Variants in MYMK observed in about 807,000 individuals in gnomAD.
The protein encoded by MYMK is protein myomaker.
MYMK carries 16 observed loss-of-function variants against 22.4 expected under a neutral mutation model. The observed-to-expected ratio is 0.72, with a 90% CI of 0.48 to 1.09. MYMK has a LOEUF of 1.09. Ranked by LOEUF, MYMK falls within the 50% of genes least tolerant of loss-of-function variation. The pLI, the probability that MYMK is intolerant of heterozygous loss-of-function variation, is 0.00. For missense variants in MYMK, 250 were observed against 295.6 expected, an observed-to-expected ratio of 0.85 and a Z score of 1.13; for synonymous variants, 125 against 127.0, an observed-to-expected ratio of 0.98 and a Z score of 0.11.
rs1844686532 is a variant in MYMK, at chr9:133,520,288, G to A, written c.136C>T (p.Leu46Phe). ...CCGGGTCCATTGCAGGCATGGTGGAGCTGCCAGAAAACCCACAGGTGGTCA... is the reference window on the plus strand; with the variant it reads ...CCGGGTCCATTGCAGGCATGGTGGAACTGCCAGAAAACCCACAGGTGGTCA... Reference protein sequence around the residue: ...VYLFTLFFVALHHACNGPGLS... With the variant: ...VYLFTLFFVAFHHACNGPGLS... Residue 46 changes from leucine (L) to phenylalanine (F), a missense_variant and splice_region_variant, in exon 2 of 5, where the codon CTC becomes TTC. Physicochemically the swap from Leu to Phe is conservative, Grantham distance 22. Transcript: ENST00000339996. The A allele has an allele frequency of 6.2e-7, 1 of 1,613,878 alleles. No individual in the cohort carries two copies. Among genetic ancestry groups the A allele is most frequent in the Non-Finnish European group, 8.5e-7 (1 of 1,179,822 alleles).
intron 3 of MYMK, among the ~76,000 whole-genome samples, chr9:133,516,013 C>CA: frequency 6.6e-6 from 1 of 152,326 alleles, no homozygotes; most frequent in East Asian, 1.9e-4. Context: ...CAGTGTGGCC[C>CA]ATGGGGATGG....
At position 133,518,919 on chromosome 9, in the gene MYMK, G is replaced by A. The variant is rs147399398; in HGVS notation, c.354C>T (p.Tyr118=). ...IYHDRWGYGV[Y]SGPIGTAILI... Reference sequence around the variant, plus strand: ...GGATGGCTGTGCCGATGGGGCCCGAGTACACCCCGTAGCCCCATCGGTCAT... The same window carrying A: ...GGATGGCTGTGCCGATGGGGCCCGAATACACCCCGTAGCCCCATCGGTCAT... Residue 118 remains tyrosine (Y), a synonymous_variant, in exon 3 of 5, where the codon TAC becomes TAT. Transcript: ENST00000339996. 46 of 1,613,640 alleles carry A rather than the reference G, an allele frequency of 2.9e-5. No individual in the cohort carries two copies. The African/African-American group carries it at 5.6e-4, about 20-fold the overall frequency.
rs143433318 is a variant in MYMK at position 133,520,205 on chromosome 9, C to T, written c.219G>A (p.Gly73=). 11,448 of 1,614,092 alleles carry T rather than the reference C, an allele frequency of 7.1e-3. 55 individuals carry two copies. The highest frequency in any genetic ancestry group is 7.9e-3 in the Non-Finnish European group (9,298 of 1,180,000). The change falls in exon 2 of 5, where the codon GGG becomes GGA. Residue 73 remains glycine, a synonymous_variant. Coordinates refer to ENST00000339996, the MANE Select transcript of MYMK (RefSeq NM_001080483.3). ...GCGAGACCCACATGCTCAGGGCTGTCCCGTAGACACTGAAATACTCCAGGA... is the reference window on the plus strand; with the variant it reads ...GCGAGACCCACATGCTCAGGGCTGTTCCGTAGACACTGAAATACTCCAGGA... The part of the protein sequence containing the change: ...HDILEYFSVY[G]TALSMWVSLM...
intron 3 of MYMK, among the ~76,000 whole-genome samples, chr9:133,518,183 C>T (rs1482885703): frequency 6.6e-6 from 1 of 152,184 alleles, no homozygotes; most frequent in South Asian, 2.1e-4. Context: ...CCCTAAGATC[C>T]CTCTTTAGCT....
intron 1 of MYMK, among the ~76,000 whole-genome samples, chr9:133,524,449 C>G (rs911763093): frequency 6.6e-6 from 1 of 152,136 alleles, no homozygotes; most frequent in Admixed American, 6.5e-5. Flanking sequence ...CTCAATGGCC[C>G]TGCTTCACCC....
intron 3 of MYMK, among the ~76,000 whole-genome samples, chr9:133,517,465 G>C (rs557626627): frequency 7.6e-4 from 116 of 152,244 alleles, no homozygotes; most frequent in Middle Eastern, 3.4e-3. Context: ...CAGGAGCTCA[G>C]GACCAGCCGG....
chr9:133,520,859 G>C (rs1019029357), intron 1 of MYMK, among the ~76,000 whole-genome samples: 2 of 152,154 alleles, frequency 1.3e-5, no homozygotes, highest in Non-Finnish European at 2.9e-5. Flanking sequence ...GCATCAGAAC[G>C]CCTGGGGCCT....
intron 3 of MYMK, among the ~76,000 whole-genome samples, chr9:133,518,295 C>G (rs753672165): frequency 6.6e-6 from 1 of 152,182 alleles, no homozygotes; most frequent in Admixed American, 6.5e-5. Flanking sequence ...TGCTGCTCTG[C>G]AAGGGGCTGT....
chr9:133,521,342 T>C (rs1449829708), intron 1 of MYMK, among the ~76,000 whole-genome samples: 2 of 152,086 alleles, frequency 1.3e-5, no homozygotes, highest in Non-Finnish European at 2.9e-5. Flanking sequence ...TCAGCCCAGC[T>C]CAGCGGGAGG....
At chr9:133,516,243 G>A (rs1474725629) in intron 3 of MYMK, among the ~76,000 whole-genome samples, 4 of 152,224 alleles carry the variant, frequency 2.6e-5, no homozygotes, top group African/African-American at 9.6e-5. Flanking sequence ...GTGTTTTCTA[G>A]GCCACTTCAC....
chr9:133,524,363 G>C (rs1844736168), intron 1 of MYMK, among the ~76,000 whole-genome samples: 1 of 151,870 alleles, frequency 6.6e-6, no homozygotes, highest in African/African-American at 2.4e-5. Context: ...GGGGAGGGGA[G>C]GTGGCCCCAT....
At chr9:133,520,063 G>C in intron 2 of MYMK, 111 bp downstream of exon 2, 2 of 751,230 alleles carry the variant, frequency 2.7e-6, no homozygotes, top group Non-Finnish European at 4.6e-6. Flanking sequence ...CCTGGGGCTG[G>C]GAGTGAGTGG....
chr9:133,521,371 C>T (rs996370860), intron 1 of MYMK, among the ~76,000 whole-genome samples: 1 of 152,188 alleles, frequency 6.6e-6, no homozygotes, highest in African/African-American at 2.4e-5. Context: ...TGCTGGAAAG[C>T]AGCCCGTGTC....
chr9:133,516,300 G>T (rs768638867), intron 3 of MYMK, among the ~76,000 whole-genome samples: 2 of 152,228 alleles, frequency 1.3e-5, no homozygotes, highest in African/African-American at 2.4e-5. Context: ...CCTGGAATGA[G>T]GGTGGATTTT....
At chr9:133,520,614 G>A (rs1844692122) in intron 1 of MYMK, among the ~76,000 whole-genome samples, 1 of 152,138 alleles carries the variant, frequency 6.6e-6, no homozygotes, top group African/African-American at 2.4e-5. Flanking sequence ...CTCAGGTGAA[G>A]CCCGCTTAGG....
In MYMK at chr9:133,516,565, G is replaced by A. The variant is rs1437367804; in HGVS notation, c.400-958C>T. 2.6e-5 allele frequency among the ~76,000 whole-genome samples: 4 copies of A among 152,368 alleles called. No individual in the cohort carries two copies. The East Asian group carries it at 7.7e-4, about 29-fold the overall frequency. On this transcript the variant is annotated intron_variant, in intron 3 of 4. Transcript: ENST00000339996. The stretch of plus-strand genomic sequence containing the variant: ...ATGCAAAGAGCACAAAGAGCCTTAT[G>A]CTGGGTCAGGTCAGGTTTTGCCACC...
intron 1 of MYMK, among the ~76,000 whole-genome samples, chr9:133,521,939 C>T (rs1019366545): frequency 2.0e-5 from 3 of 152,224 alleles, no homozygotes; most frequent in Admixed American, 6.5e-5. Flanking sequence ...AGGAATGGCT[C>T]TGTCTGGTCC....
chr9:133,515,581 G>T lies in MYMK; in HGVS notation c.426C>A (p.Gly142=). 1.2e-6 allele frequency: 2 copies of T among 1,613,682 alleles called. No individual in the cohort carries two copies. Among genetic ancestry groups the T allele is most frequent in the Non-Finnish European group, 1.7e-6 (2 of 1,179,590 alleles). ...KWLQKMKEKK[G]LYPDKSVYTQ... ...TGTAGACGCTCTTGTCTGGGTACAG[G>T]CCCTTCTTCTCCTTCATCTTCTGTA... Residue 142 remains glycine (G), a synonymous_variant, in exon 4 of 5, where the codon GGC becomes GGA. Coordinates refer to ENST00000339996, the MANE Select transcript of MYMK (RefSeq NM_001080483.3). The surrounding 1 kb of genome is among the most constrained non-coding windows in gnomAD (Gnocchi z 5.8).
chr9:133,519,098 C>A, intron 2 of MYMK, 76 bp from the exon 3 acceptor site: 2 of 1,575,698 alleles, frequency 1.3e-6, no homozygotes, highest in Non-Finnish European at 1.7e-6. Context: ...CACCCCCCAG[C>A]CCCCAGGAGG....
Sources: gnomAD v4.1 joint callset for allele counts (sites outside exome capture counted in the v4.1 genomes callset) on GRCh38, gnomAD v4.1.1 for gene constraint, Gnocchi (gnomAD v3.1) non-coding constraint, MANE v1.5 for transcripts, NCBI Gene and HGNC (gene_info 2026-07-23, HGNC 2026-07-21) for gene names.